CCT8: variants seen among roughly 807,000 people sequenced by gnomAD.
CCT8 encodes the protein chaperonin containing TCP1 subunit 8.
Under a neutral mutation model 65.7 loss-of-function variants are expected in CCT8, and 10 were observed. That is an observed-to-expected ratio of 0.15 (90% confidence interval 0.09 to 0.26). The LOEUF (loss-of-function observed/expected upper bound fraction) is 0.26, where lower values mean the gene tolerates loss of function less well. CCT8 is among the 10% of genes least tolerant of loss of function. The probability of loss-of-function intolerance (pLI) is 1.00; values close to 1 mark genes in which losing one functional copy is unlikely to be tolerated. For missense variants in CCT8, 568 were observed against 669.1 expected (o/e 0.85, Z 1.67); for synonymous variants, 199 against 221.8 (o/e 0.90, Z 0.92).
At chr21:29,065,715 G>C (rs1338014853) in intron 6 of CCT8, among the ~76,000 whole-genome samples, 1 of 152,146 alleles carries the variant, frequency 6.6e-6, no homozygotes, top group Non-Finnish European at 1.5e-5. Flanking sequence ...AAGAGGAATA[G>C]GACGATTTCC....
chr21:29,067,909 C>A (rs73192133), intron 3 of CCT8, among the ~76,000 whole-genome samples: 23,919 of 152,206 alleles, frequency 0.16, 2,210 homozygotes, highest in African/African-American at 0.26. Flanking sequence ...AAATGTATCA[C>A]TATAAATAAG....
intron 8 of CCT8, chr21:29,063,010 A>G: frequency 2.9e-6 from 1 of 345,694 alleles, no homozygotes; most frequent in Non-Finnish European, 5.3e-6. Flanking sequence ...TCTAGTGTGC[A>G]CCATAAATGT....
chr21:29,060,559 A>C lies in CCT8; in HGVS notation c.1551T>G (p.Thr517=). 1 of 1,613,878 alleles carries C rather than the reference A, an allele frequency of 6.2e-7. No individual in the cohort carries two copies. Residue 517 remains threonine, a synonymous_variant, in exon 14 of 15, where the codon ACT becomes ACG. Transcript: ENST00000286788. ...AIKLATNAAV[T]VLRVDQIIMA... ...TGCTCACCTGATCCACTCTAAGTAC[A>C]GTGACTGCAGCATTAGTAGCGAGTT...
intron 14 of CCT8, among the ~76,000 whole-genome samples, chr21:29,057,691 CATACATATATCATATATAAT>C (rs1348024610): frequency 1.3e-5 from 1 of 75,386 alleles, no homozygotes; most frequent in African/African-American, 3.7e-5. Context: ...ATACATATAT[CATACATATATCATATATAAT>C]ATATATCATA....
intron 14 of CCT8, among the ~76,000 whole-genome samples, chr21:29,056,921 A>G (rs1217909914): frequency 6.6e-6 from 1 of 152,120 alleles, no homozygotes; most frequent in African/African-American, 2.4e-5. Context: ...TGTCTTGCCA[A>G]CCATCTCTGT....
At chr21:29,065,253 G>A (rs1256542027) in intron 6 of CCT8, 148 bp from the exon 7 acceptor site, 2 of 750,226 alleles carry the variant, frequency 2.7e-6, no homozygotes, top group Non-Finnish European at 4.3e-6. Context: ...GTGGAGTGGT[G>A]GACATACAGC....
intron 1 of CCT8, among the ~76,000 whole-genome samples, chr21:29,071,696 G>A (rs1259863491): frequency 1.3e-5 from 2 of 152,118 alleles, no homozygotes; most frequent in Non-Finnish European, 2.9e-5. Context: ...AATAGCCACT[G>A]CTTTAAAAGC....
At chr21:29,066,181 T>C (rs992382197) in intron 6 of CCT8, among the ~76,000 whole-genome samples, 2 of 151,994 alleles carry the variant, frequency 1.3e-5, no homozygotes, top group African/African-American at 4.8e-5. Context: ...AATATGTCAA[T>C]ATCCTTTTAA....
chr21:29,066,670 A>C, intron 6 of CCT8, 46 bp downstream of exon 6: 1 of 1,302,580 alleles, frequency 7.7e-7, no homozygotes, highest in Non-Finnish European at 1.1e-6. Flanking sequence ...AAAAGCACAC[A>C]AAAAAACTGA....
chr21:29,063,587 G>C (rs971391618), intron 7 of CCT8, 57 bp from the exon 8 acceptor site: 11 of 1,537,316 alleles, frequency 7.2e-6, no homozygotes, highest in Non-Finnish European at 9.8e-6. Flanking sequence ...GGTGTTCAAA[G>C]TCATTAGATA....
chr21:29,063,379 G>T lies in CCT8; in HGVS notation c.914C>A (p.Ala305Glu). ...CACTAACATGATATTATATTTATTTGCATAATGAAGAGCCATGTCTGCCAC... is the reference window on the plus strand; with the variant it reads ...CACTAACATGATATTATATTTATTTTCATAATGAAGAGCCATGTCTGCCAC... The part of the protein sequence containing the change: ...GKVADMALHY[A>E]NKYNIMLVRL... The change falls in exon 8 of 15, where the codon GCA becomes GAA. Residue 305 changes from alanine to glutamate, a missense_variant. Coordinates refer to ENST00000286788, the MANE Select transcript of CCT8 (RefSeq NM_006585.4). 6.2e-7 allele frequency: 1 copy of T among 1,612,566 alleles called. No homozygotes were observed.
chr21:29,060,859 C>T (rs1397194463), intron 13 of CCT8, among the ~76,000 whole-genome samples, 199 bp from the exon 14 acceptor site: 3 of 152,132 alleles, frequency 2.0e-5, no homozygotes, highest in East Asian at 1.9e-4. Flanking sequence ...TGCTCAAATC[C>T]CTTACATAAA....
chr21:29,069,418 CT>C lies in CCT8; in HGVS notation c.231+4del. ...ATTTCTTGACTTTTTAAAGAAACAA[CT>C]TACTTCTAGTTCTCTTAAAATAGTT... is the stretch of plus-strand genomic sequence containing the variant. On this transcript the variant is annotated splice_donor_region_variant and intron_variant, in intron 3 of 14. Transcript: ENST00000286788. 1 of 1,531,120 alleles carries C rather than the reference CT, an allele frequency of 6.5e-7. No individual in the cohort carries two copies. Among genetic ancestry groups the C allele is most frequent in the Non-Finnish European group, 8.8e-7 (1 of 1,133,240 alleles). The allele number at this position is 1,531,120 out of a possible 1,614,324, so 94.8% of individuals were successfully genotyped here. A position where few individuals can be genotyped will look rare whatever the true frequency, so the allele number is the denominator to read the frequency against.
At chr21:29,073,340 A>T (rs1490034208) in intron 1 of CCT8, 191 bp downstream of exon 1, 1 of 1,420,714 alleles carries the variant, frequency 7.0e-7, no homozygotes, top group East Asian at 2.6e-5. Flanking sequence ...CCGGTCGCGG[A>T]AGAAGAGAAG....
intron 13 of CCT8, 47 bp downstream of exon 13, chr21:29,061,206 T>G: frequency 1.4e-6 from 2 of 1,405,090 alleles, no homozygotes; most frequent in Non-Finnish European, 2.0e-6. Flanking sequence ...TTTTAGGTTG[T>G]GCATTCCCCA....
In CCT8 at chr21:29,056,487, G is replaced by T. The variant is rs1277650615; in HGVS notation, c.1635C>A (p.Asp545Glu). ...PPSGKKDWDD[D>E]QND ...AATTAAGCCAATTTCAATCATTTTG[G>T]TCATCATCCCAGTCTTTCTTCCCAC... The change falls in exon 15 of 15, where the codon GAC becomes GAA. Residue 545 changes from aspartate (D) to glutamate (E), a missense_variant. Physicochemically the swap from Asp to Glu is conservative, Grantham distance 45. Coordinates refer to ENST00000286788, the MANE Select transcript of CCT8 (RefSeq NM_006585.4). The T allele has an allele frequency of 2.6e-6, 4 of 1,520,510 alleles. No individual in the cohort carries two copies. The African/African-American group carries it at 4.2e-5, about 16-fold the overall frequency. 94.2% of individuals were successfully genotyped at this position (1,520,510 alleles called of 1,614,324 possible). A position where few individuals can be genotyped will look rare whatever the true frequency, so the allele number is the denominator to read the frequency against.
At chr21:29,070,687 G>T (rs775928258) in intron 1 of CCT8, among the ~76,000 whole-genome samples, 3 of 152,078 alleles carry the variant, frequency 2.0e-5, no homozygotes, top group Non-Finnish European at 2.9e-5. Flanking sequence ...TAACATTTTG[G>T]GGGACCGCAG....
In CCT8 at chr21:29,061,259, A is replaced by C. The variant is rs765586727; in HGVS notation, c.1443T>G (p.Asp481Glu). Residue 481 changes from aspartate to glutamate, a missense_variant, in exon 13 of 15, where the codon GAT becomes GAG. Physicochemically the swap from Asp to Glu is conservative, Grantham distance 45. Transcript: ENST00000286788. ...TCAGTGTTTTTTCAAATACCTCAAT[A>C]TCTAATCCAACGTTTTTATTTCCTT... ...HQEGNKNVGL[D>E]IEAEVPAVKD... The C allele has an allele frequency of 1.8e-5, 29 of 1,612,518 alleles. No individual in the cohort carries two copies. The highest frequency in any genetic ancestry group is 1.7e-5 in the Admixed American group (1 of 59,918).
At position 29,065,041 on chromosome 21, in the gene CCT8, T is replaced by A. The variant is rs1251305902; in HGVS notation, c.689A>T (p.Asp230Val). Residue 230 changes from aspartate (D) to valine (V), a missense_variant, in exon 7 of 15, where the codon GAT (aspartate) becomes GTT (valine). By Grantham distance (152) the Asp-to-Val change is radical (BLOSUM62 -3). Coordinates refer to ENST00000286788, the MANE Select transcript of CCT8 (RefSeq NM_006585.4). Reference protein sequence around the residue: ...GMVFKKETEGDVTSVKDAKIA... With the variant: ...GMVFKKETEGVVTSVKDAKIA... ...TTTTGCATCTTTGACAGATGTTACA[T>A]CACCTTCGGTTTCCTTCTTAAAAAC... 6.2e-7 allele frequency: 1 copy of A among 1,613,840 alleles called. No homozygotes were observed. Among genetic ancestry groups the A allele is most frequent in the Non-Finnish European group, 8.5e-7 (1 of 1,179,738 alleles).
Sources: allele counts gnomAD v4.1 joint callset (sites outside exome capture counted in the v4.1 genomes callset), GRCh38; gene constraint gnomAD v4.1.1; transcripts MANE v1.5; gene names NCBI Gene and HGNC (gene_info 2026-07-23, HGNC 2026-07-21).